Variants in ADCY7 observed in about 807,000 individuals in gnomAD.
ADCY7 encodes the protein adenylate cyclase type 7.
In ADCY7, 72 loss-of-function variants were observed where a neutral mutation model predicts 120.6. The observed-to-expected ratio is 0.60, with a 90% CI of 0.49 to 0.73. The LOEUF is 0.73. Ranked by LOEUF, ADCY7 falls within the 30% of genes least tolerant of loss-of-function variation. ADCY7 has a pLI of 0.00. For missense variants in ADCY7, 1,227 were observed against 1,486.0 expected (o/e 0.83, Z 2.87); for synonymous variants, 661 against 628.0 (o/e 1.05, Z -0.78).
intron 1 of ADCY7, among the ~76,000 whole-genome samples, chr16:50,277,903 C>T (rs1357310255): frequency 6.6e-6 from 1 of 152,018 alleles, no homozygotes; most frequent in Non-Finnish European, 1.5e-5. Flanking sequence ...ATCTCCTGAC[C>T]TCATGATCCG....
chr16:50,287,696 A>G (rs891201350), intron 1 of ADCY7, among the ~76,000 whole-genome samples: 1 of 151,258 alleles, frequency 6.6e-6, no homozygotes, highest in African/African-American at 2.4e-5. Context: ...AAAAAAAAAA[A>G]GCAGCCACAT....
At chr16:50,263,342 G>C (rs8050989), upstream of ADCY7, among the ~76,000 whole-genome samples, 1 of 152,102 alleles carries the variant, frequency 6.6e-6, no homozygotes, top group Non-Finnish European at 1.5e-5. Flanking sequence ...GGTGGCTGCG[G>C]CTGCGGGGAG....
At position 50,314,583 on chromosome 16, in the gene ADCY7, T is replaced by C. The variant is rs1010863880; in HGVS notation, c.2971+177T>C. 7 of 572,718 alleles carry C rather than the reference T, an allele frequency of 1.2e-5. No individual in the cohort carries two copies. The South Asian group carries it at 1.6e-4, about 13-fold the overall frequency. 35.5% of individuals were successfully genotyped at this position (572,718 alleles called of 1,614,324 possible). ...TGTTTTGCATATAGTTAGCATATAG[T>C]TACCATTGAGAGTTTTAATAATACG... On this transcript the variant is annotated intron_variant, in intron 24 of 25. Transcript: ENST00000673801.
Position 50,297,291 on chromosome 16 carries a change from C to T in ADCY7, c.949-1613C>T, listed in dbSNP as rs541790931. Among the ~76,000 whole-genome samples the T allele has an allele frequency of 1.2e-4, 19 of 152,352 alleles. No individual in the cohort carries two copies. Among genetic ancestry groups the T allele is most frequent in the African/African-American group, 3.1e-4 (13 of 41,582 alleles). ...CTCAGAGGCATACAAGTCACACCTC[C>T]GCACAAGACCCAGCTCCCCAACTCC... On this transcript the variant is annotated intron_variant, in intron 7 of 25. Transcript: ENST00000673801. The surrounding 1 kb of genome is among the most constrained non-coding windows in gnomAD (Gnocchi z 4.4).
chr16:50,309,235 T>G, intron 17 of ADCY7: 1 of 373,164 alleles, frequency 2.7e-6, no homozygotes, highest in Non-Finnish European at 4.9e-6. Context: ...GACCCTGGGT[T>G]TTTGGAATGT....
rs188700959 is a variant in ADCY7, at chr16:50,294,787, C to T, written c.948+36C>T. The T allele has an allele frequency of 4.5e-4, 668 of 1,476,318 alleles. 2 individuals carry two copies. In the African/African-American group the frequency reaches 8.4e-3, roughly 19 times the overall value. The allele number at this position is 1,476,318 out of a possible 1,614,324, so 91.5% of individuals were successfully genotyped here. The stretch of plus-strand genomic sequence containing the variant: ...TGGCCTACAATGGGCAAAGCCAGGC[C>T]CCTCCCCTGCCTATTACACCCCAGG... On this transcript the variant is annotated intron_variant, in intron 7 of 25. Transcript: ENST00000673801.
intron 21 of ADCY7, among the ~76,000 whole-genome samples, chr16:50,312,588 A>G (rs937776540): frequency 3.9e-5 from 6 of 152,206 alleles, no homozygotes; most frequent in African/African-American, 1.4e-4. Context: ...ACGGAGGCCC[A>G]GTGAGAATGA....
intron 1 of ADCY7, among the ~76,000 whole-genome samples, chr16:50,254,797 C>T (rs1274439890): frequency 1.3e-5 from 2 of 151,756 alleles, no homozygotes; most frequent in African/African-American, 4.8e-5. Context: ...AAAGCTGTGT[C>T]TCCCTGCCCC....
intron 2 of ADCY7, 63 bp downstream of exon 2, chr16:50,288,413 C>T: frequency 7.1e-7 from 1 of 1,403,290 alleles, no homozygotes; most frequent in African/African-American, 1.5e-5. Context: ...CTGCTATCTT[C>T]TCTTAGCCTC....
Position 50,314,346 on chromosome 16 carries a change from CTGA to C in ADCY7, c.2915_2917del (p.Met972del), listed in dbSNP as rs780613668. 1 of 1,614,172 alleles carries C rather than the reference CTGA, an allele frequency of 6.2e-7. No individual in the cohort carries two copies. Among genetic ancestry groups the C allele is most frequent in the Admixed American group, 1.7e-5 (1 of 60,026 alleles). ...TGTCATGGTGGAGTTCAGCATCGCC[CTGA>C]TGAGTAAGCTGGACGGCATCAACAG... On this transcript the variant is annotated inframe_deletion, in exon 24 of 26. Coordinates refer to ENST00000673801, the MANE Select transcript of ADCY7 (RefSeq NM_001114.5).
rs113034931 is a variant in ADCY7 at position 50,314,529 on chromosome 16, C to G, written c.2971+123C>G. ...GGTTTTAGAAATCCCTCTGATCTGA[C>G]AAGCTCAGCAGTTGGACAATTATTC... On this transcript the variant is annotated intron_variant, in intron 24 of 25. Coordinates refer to ENST00000673801, the MANE Select transcript of ADCY7 (RefSeq NM_001114.5). The G allele has an allele frequency of 5.6e-3, 3,813 of 679,276 alleles. 113 individuals carry two copies. In the African/African-American group the frequency reaches 0.061, roughly 11 times the overall value. The allele number at this position is 679,276 out of a possible 1,614,324, so 42.1% of individuals were successfully genotyped here. A position where few individuals can be genotyped will look rare whatever the true frequency, so the allele number is the denominator to read the frequency against.
At chr16:50,266,789 G>T (rs1197400885) in intron 1 of ADCY7, 109 bp downstream of exon 1, 1 of 152,800 alleles carries the variant, frequency 6.5e-6, no homozygotes, top group South Asian at 2.1e-4. Context: ...CCTGGCCTGG[G>T]AGTGCACTGG....
intron 19 of ADCY7, 134 bp from the exon 20 acceptor site, chr16:50,311,556 AGTT>A: frequency 1.4e-6 from 1 of 700,598 alleles, no homozygotes; most frequent in Non-Finnish European, 2.6e-6. Context: ...AATACCCCAA[AGTT>A]GTCTTGTTTT....
At chr16:50,313,097 G>A (rs2036575501) in intron 22 of ADCY7, 61 bp downstream of exon 22, 2 of 1,597,694 alleles carry the variant, frequency 1.3e-6, no homozygotes, top group Admixed American at 1.7e-5. Context: ...GGGAAGGGCG[G>A]TGGCACCTGC....
At chr16:50,281,489 C>T (rs561057819) in intron 1 of ADCY7, among the ~76,000 whole-genome samples, 1 of 152,342 alleles carries the variant, frequency 6.6e-6, no homozygotes, top group African/African-American at 2.4e-5. Context: ...TCACCCATGC[C>T]ACTCTGCGTG....
intron 1 of ADCY7, among the ~76,000 whole-genome samples, chr16:50,285,754 C>A (rs1415011581): frequency 2.6e-5 from 4 of 152,188 alleles, no homozygotes; most frequent in Non-Finnish European, 5.9e-5. Context: ...TGGCAGCTGT[C>A]CCCAAGTCCC....
Position 50,311,017 on chromosome 16 carries a change from C to T in ADCY7, c.2354+137C>T, listed in dbSNP as rs2036423825. On this transcript the variant is annotated intron_variant, in intron 19 of 25. Transcript: ENST00000673801. ...CGGGGCTGGCAGATGGTGTCCAGCG[C>T]TCAGAGCCGAGGAATTCACTGGCAG... The T allele has an allele frequency of 5.5e-6, 5 of 907,370 alleles. No individual in the cohort carries two copies. The South Asian group carries it at 8.7e-5, about 16-fold the overall frequency. The allele number at this position is 907,370 out of a possible 1,614,324, so 56.2% of individuals were successfully genotyped here.
At chr16:50,313,515 T>C in intron 22 of ADCY7, 1 of 186,856 alleles carries the variant, frequency 5.4e-6, no homozygotes, top group Non-Finnish European at 1.1e-5. Context: ...TTTCATTCTG[T>C]TTTATGCAGC....
intron 10 of ADCY7, among the ~76,000 whole-genome samples, chr16:50,303,174 T>C (rs764248744): frequency 1.3e-5 from 2 of 152,126 alleles, no homozygotes; most frequent in South Asian, 2.1e-4. Context: ...GTTGTCACAA[T>C]GGAGGAGGGG....
Sources: allele counts gnomAD v4.1 joint callset (sites outside exome capture counted in the v4.1 genomes callset), GRCh38; gene constraint gnomAD v4.1.1; non-coding constraint Gnocchi (gnomAD v3.1); transcripts MANE v1.5; gene names NCBI Gene and HGNC (gene_info 2026-07-23, HGNC 2026-07-21).